The following IGF1R variants were observed in gnomAD, a reference collection of about 807,000 sequenced individuals.
The protein encoded by IGF1R is insulin-like growth factor 1 receptor.
A neutral mutation model predicts 144.6 loss-of-function variants in IGF1R; 44 were observed. The ratio of observed to expected loss-of-function variants is 0.30; its 90% confidence interval spans 0.24 to 0.39. The LOEUF is 0.39. Among genes scored for constraint, IGF1R ranks in the 10% least tolerant of loss-of-function variants. IGF1R has a pLI of 1.00. For synonymous variants in IGF1R, 795 were observed against 722.8 expected (o/e 1.10, Z -1.60); for missense variants, 1,355 against 1,833.7 (o/e 0.74, Z 4.77).
intron 1 of IGF1R, chr15:98,651,135 T>C (rs1179289210): frequency 2.2e-6 from 2 of 892,004 alleles, no homozygotes; most frequent in Non-Finnish European, 2.7e-6. Flanking sequence ...TTTGAAAAAA[T>C]CACGACTGAG....
chr15:98,725,025 G>A (rs1162389087), intron 2 of IGF1R, among the ~76,000 whole-genome samples: 1 of 152,200 alleles, frequency 6.6e-6, no homozygotes, highest in African/African-American at 2.4e-5. Flanking sequence ...GGTTAGCCCA[G>A]ACCACACCAG....
intron 1 of IGF1R, among the ~76,000 whole-genome samples, chr15:98,678,768 C>T (rs1478564523): frequency 6.6e-6 from 1 of 152,158 alleles, no homozygotes; most frequent in Non-Finnish European, 1.5e-5. Context: ...AAGTGGTCCA[C>T]CTGCCTTCGC....
intron 1 of IGF1R, among the ~76,000 whole-genome samples, chr15:98,683,927 GT>G (rs1477888786): frequency 1.3e-5 from 2 of 152,170 alleles, no homozygotes; most frequent in African/African-American, 2.4e-5. Context: ...AAATGTGAGT[GT>G]CCTAATCACC....
At chr15:98,954,116 G>A (rs1328147710) in intron 20 of IGF1R, 1 of 152,270 alleles carries the variant, frequency 6.6e-6, no homozygotes, top group Non-Finnish European at 1.5e-5. Context: ...GGTGCCTCGT[G>A]GCCTGCTGAC....
chr15:98,769,474 G>A (rs573268033), intron 2 of IGF1R, among the ~76,000 whole-genome samples: 247 of 152,304 alleles, frequency 1.6e-3, no homozygotes, highest in Middle Eastern at 3.4e-3. Context: ...TAAGGCCTCA[G>A]TCCAACAACA....
At chr15:98,824,306 C>T (rs942834322) in intron 2 of IGF1R, 10 of 152,360 alleles carry the variant, frequency 6.6e-5, no homozygotes, top group African/African-American at 2.2e-4. Context: ...ATCTCTTTCA[C>T]TCTTCTGAAA....
chr15:98,888,708 T>C (rs1165598786), intron 2 of IGF1R, among the ~76,000 whole-genome samples: 1 of 152,198 alleles, frequency 6.6e-6, no homozygotes, highest in East Asian at 1.9e-4. Context: ...AGGAATGGGT[T>C]TCTTCTTCAC....
intron 2 of IGF1R, among the ~76,000 whole-genome samples, chr15:98,716,584 G>C (rs2054123072): frequency 6.6e-6 from 1 of 152,188 alleles, no homozygotes; most frequent in East Asian, 1.9e-4. Flanking sequence ...AGTTTCGTCT[G>C]ATTGCACATA....
intron 2 of IGF1R, among the ~76,000 whole-genome samples, chr15:98,810,450 C>T (rs1368928960): frequency 1.3e-5 from 2 of 152,128 alleles, no homozygotes; most frequent in African/African-American, 4.8e-5. Context: ...GAAAGCAATA[C>T]TTACTGAATG....
intron 1 of IGF1R, among the ~76,000 whole-genome samples, chr15:98,654,060 C>T (rs779587693): frequency 6.6e-6 from 1 of 152,178 alleles, no homozygotes; most frequent in Non-Finnish European, 1.5e-5. Context: ...TTTTCAGACT[C>T]AGTATAGGGT....
In IGF1R at chr15:98,706,807, A is replaced by G. The variant is rs185183138; in HGVS notation, c.95-755A>G. Among the ~76,000 whole-genome samples the G allele has an allele frequency of 1.3e-3, 195 of 146,896 alleles. 4 individuals are homozygous for G. The highest frequency in any genetic ancestry group is 4.6e-3 in the African/African-American group (184 of 40,176). ...ACATTGTTTATCGTGGAATGTTGAG[A>G]TCGTTGATGATTTTTACTGGTTTTT... is the stretch of plus-strand genomic sequence containing the variant. On this transcript the variant is annotated intron_variant, in intron 1 of 20. Coordinates refer to ENST00000650285, the MANE Select transcript of IGF1R (RefSeq NM_000875.5).
intron 1 of IGF1R, among the ~76,000 whole-genome samples, chr15:98,706,447 A>G (rs1324878321): frequency 6.6e-6 from 1 of 152,246 alleles, no homozygotes; most frequent in Non-Finnish European, 1.5e-5. Flanking sequence ...AAAATCTGCA[A>G]ATGCGTTGGC....
At chr15:98,723,277 A>G (rs913546011) in intron 2 of IGF1R, among the ~76,000 whole-genome samples, 3 of 152,190 alleles carry the variant, frequency 2.0e-5, no homozygotes, top group African/African-American at 7.2e-5. Context: ...CTCCAAGAAC[A>G]AAGGAATTCC....
intron 2 of IGF1R, among the ~76,000 whole-genome samples, chr15:98,791,325 T>C (rs1291520673): frequency 6.6e-6 from 1 of 152,262 alleles, no homozygotes; most frequent in African/African-American, 2.4e-5. Context: ...CTTATTTGTA[T>C]CTTTTCCTCT....
At chr15:98,912,057 G>A (rs747744037) in intron 7 of IGF1R, among the ~76,000 whole-genome samples, 7 of 152,100 alleles carry the variant, frequency 4.6e-5, no homozygotes, top group Non-Finnish European at 7.4e-5. Flanking sequence ...CTAAGCAGCC[G>A]AGGCTTATTC....
chr15:98,736,662 A>G (rs1466694782), intron 2 of IGF1R, among the ~76,000 whole-genome samples: 2 of 138,442 alleles, frequency 1.4e-5, no homozygotes, highest in African/African-American at 5.4e-5. Context: ...TCCAGGCTGG[A>G]GTGGAGTGGC....
At chr15:98,880,501 C>A (rs143427375) in intron 2 of IGF1R, among the ~76,000 whole-genome samples, 3 of 152,236 alleles carry the variant, frequency 2.0e-5, no homozygotes, top group Admixed American at 6.5e-5. Flanking sequence ...TTCACAGATA[C>A]ATTCAGCAGC....
intron 17 of IGF1R, among the ~76,000 whole-genome samples, chr15:98,936,818 A>G (rs2016169757): frequency 6.6e-6 from 1 of 152,104 alleles, no homozygotes; most frequent in Non-Finnish European, 1.5e-5. Flanking sequence ...ATTGGTCCCC[A>G]GCACCCCTGG....
At chr15:98,717,260 A>AT (rs2054139968) in intron 2 of IGF1R, among the ~76,000 whole-genome samples, 1 of 152,192 alleles carries the variant, frequency 6.6e-6, no homozygotes, top group African/African-American at 2.4e-5. Context: ...TGAGACAGGA[A>AT]TAGGACAGTA....
Sources: gnomAD v4.1 joint callset for allele counts (sites outside exome capture counted in the v4.1 genomes callset) on GRCh38, gnomAD v4.1.1 for gene constraint, MANE v1.5 for transcripts, NCBI Gene and HGNC (gene_info 2026-07-23, HGNC 2026-07-21) for gene names.